Variants in LRP2 observed in about 807,000 individuals in gnomAD.
The protein encoded by LRP2 is LDL receptor related protein 2.
A neutral mutation model predicts 531.0 loss-of-function variants in LRP2; 172 were observed. That is an observed-to-expected ratio of 0.32 (90% confidence interval 0.29 to 0.37). The LOEUF (loss-of-function observed/expected upper bound fraction) is 0.37, where lower values mean the gene tolerates loss of function less well. LRP2 is among the 10% of genes least tolerant of loss of function. The probability of loss-of-function intolerance (pLI) is 1.00; values close to 1 mark genes in which losing one functional copy is unlikely to be tolerated. For synonymous variants in LRP2, 1,992 were observed against 2,027.6 expected (o/e 0.98, Z 0.47); for missense variants, 5,167 against 5,868.3 (o/e 0.88, Z 3.90).
At chr2:169,153,946 T>C (rs1686236740) in intron 66 of LRP2, among the ~76,000 whole-genome samples, 1 of 152,216 alleles carries the variant, frequency 6.6e-6, no homozygotes, top group Non-Finnish European at 1.5e-5. Context: ...TTAGATTCAG[T>C]CTTTGTCCCC....
chr2:169,231,310 G>A (rs4668126), intron 31 of LRP2, among the ~76,000 whole-genome samples: 54,484 of 115,570 alleles, frequency 0.47, 10,765 homozygotes, highest in South Asian at 0.73. Context: ...AAAAAAAAAA[G>A]AAAGAAAGAA....
At position 169,318,838 on chromosome 2, in the gene LRP2, T is replaced by C. The variant is rs745821415; in HGVS notation, c.234A>G (p.Gly78=). The change falls in exon 3 of 79, where the codon GGA becomes GGG. Residue 78 remains glycine, a synonymous_variant. Transcript: ENST00000649046. ...ACACCCAGGAGTTGGGGATGCATTG[T>C]CCCTCACTCTGGCACTTGAAATAGC... is the stretch of plus-strand genomic sequence containing the variant. ...QQGYFKCQSE[G]QCIPNSWVCD... 3.7e-6 allele frequency: 6 copies of C among 1,614,146 alleles called. No individual in the cohort carries two copies. The highest frequency in any genetic ancestry group is 5.1e-6 in the Non-Finnish European group (6 of 1,179,984).
chr2:169,362,133 C>T lies in LRP2; in HGVS notation c.79+188G>A, dbSNP rs3815679. On this transcript the variant is annotated intron_variant, in intron 1 of 78. Transcript: ENST00000649046. Reference sequence around the variant, plus strand: ...AAGTTTGCTGCCGCTCAGTTCCTGGCGAGCGAAGAGGGGCGCTCCCGCTCC... The same window carrying T: ...AAGTTTGCTGCCGCTCAGTTCCTGGTGAGCGAAGAGGGGCGCTCCCGCTCC... 0.092 allele frequency among the ~76,000 whole-genome samples: 13,966 copies of T among 152,300 alleles called. 833 individuals are homozygous for T. Among genetic ancestry groups the T allele is most frequent in the East Asian group, 0.24 (1,248 of 5,158 alleles).
At chr2:169,352,671 A>T (rs1685881061) in intron 1 of LRP2, among the ~76,000 whole-genome samples, 1 of 152,236 alleles carries the variant, frequency 6.6e-6, no homozygotes. Flanking sequence ...ATATGCAGCC[A>T]TAAAAAGGAA....
chr2:169,297,528 A>G (rs1031763827), intron 4 of LRP2, among the ~76,000 whole-genome samples: 4 of 152,138 alleles, frequency 2.6e-5, no homozygotes, highest in Non-Finnish European at 5.9e-5. Context: ...TTCTAACACA[A>G]AAAGGTGAGA....
At position 169,174,027 on chromosome 2, in the gene LRP2, G is replaced by C. The variant is rs747833963; in HGVS notation, c.10906C>G (p.Arg3636Gly). The change falls in exon 56 of 79, where the codon CGG becomes GGG. Residue 3636 changes from arginine to glycine, a missense_variant. Arg to Gly is a moderately radical substitution (Grantham distance 125, BLOSUM62 -2). This residue lies in a region of LRP2 where 311 missense variants were observed against 309.4 expected (regional missense o/e 1.01). Transcript: ENST00000649046. Reference sequence around the variant, plus strand: ...TTAGCACACCGAAACTGGCCCGGCCGGCAGGTCCTGCTGGCACAGTGGGAA... The same window carrying C: ...TTAGCACACCGAAACTGGCCCGGCCCGCAGGTCCTGCTGGCACAGTGGGAA... ...DSSHCASRTC[R>G]PGQFRCANGR... 6.2e-7 allele frequency: 1 copy of C among 1,614,220 alleles called. No individual in the cohort carries two copies. Among genetic ancestry groups the C allele is most frequent in the South Asian group, 1.1e-5 (1 of 91,076 alleles).
At chr2:169,146,414 C>T (rs75456734) in intron 69 of LRP2, among the ~76,000 whole-genome samples, 1,818 of 152,250 alleles carry the variant, frequency 0.012, 33 homozygotes, top group African/African-American at 0.04. Context: ...TGTCCAGAAG[C>T]GGTTAGACAT....
chr2:169,204,764 A>T (rs1688318470), intron 41 of LRP2, among the ~76,000 whole-genome samples: 1 of 152,252 alleles, frequency 6.6e-6, no homozygotes, highest in East Asian at 1.9e-4. Context: ...CTTGGCATCA[A>T]AAGACTAAAA....
intron 46 of LRP2, among the ~76,000 whole-genome samples, chr2:169,195,665 A>G (rs1020818132): frequency 6.6e-6 from 1 of 152,202 alleles, no homozygotes; most frequent in African/African-American, 2.4e-5. Flanking sequence ...ATATATTTGA[A>G]CCAATAATTC....
intron 46 of LRP2, among the ~76,000 whole-genome samples, 188 bp downstream of exon 46, chr2:169,196,721 CCA>C (rs1479465166): frequency 6.6e-6 from 1 of 152,190 alleles, no homozygotes; most frequent in African/African-American, 2.4e-5. Flanking sequence ...GATCAGCTCC[CCA>C]CACAGTGCTC....
intron 21 of LRP2, among the ~76,000 whole-genome samples, chr2:169,246,230 C>T (rs999547709): frequency 1.3e-5 from 2 of 151,696 alleles, no homozygotes; most frequent in African/African-American, 4.8e-5. Flanking sequence ...TTTTAGGGTA[C>T]ATGTGCACAA....
At position 169,294,249 on chromosome 2, in the gene LRP2, A is replaced by G. The variant is rs1414726380; in HGVS notation, c.551T>C (p.Leu184Ser). 1.2e-6 allele frequency: 2 copies of G among 1,602,012 alleles called. No individual in the cohort carries two copies. Among genetic ancestry groups the G allele is most frequent in the South Asian group, 1.1e-5 (1 of 90,818 alleles). Reference sequence around the variant, plus strand: ...ATTGCCACATGAAAACTCATTGTGCAAGCATATCTCAGCTGCAACAGAAAG... The same window carrying G: ...ATTGCCACATGAAAACTCATTGTGCGAGCATATCTCAGCTGCAACAGAAAG... ...SDEINCTEIC[L>S]HNEFSCGNGE... Residue 184 changes from leucine to serine, a missense_variant, in exon 6 of 79, where the codon TTG becomes TCG. By Grantham distance (145) the Leu-to-Ser change is moderately radical. Coordinates refer to ENST00000649046, the MANE Select transcript of LRP2 (RefSeq NM_004525.3).
At position 169,237,197 on chromosome 2, in the gene LRP2, T is replaced by C. The variant is rs766711397; in HGVS notation, c.4597A>G (p.Ile1533Val). Residue 1533 changes from isoleucine to valine, a missense_variant, in exon 28 of 79, where the codon ATT becomes GTT. Physicochemically the swap from Ile to Val is conservative, Grantham distance 29. Transcript: ENST00000649046. ...LYWTDYALET[I>V]EVSKIDGSHR... ...CTCCCATCAATTTTGGAGACTTCAA[T>C]TGTTTCCAGAGCATAGTCTGTCCAG... 12 of 1,613,640 alleles carry C rather than the reference T, an allele frequency of 7.4e-6. No individual in the cohort carries two copies. Among genetic ancestry groups the C allele is most frequent in the Non-Finnish European group, 1.0e-5 (12 of 1,179,692 alleles).
chr2:169,203,984 G>A lies in LRP2; in HGVS notation c.8003C>T (p.Pro2668Leu), dbSNP rs1457603837. Residue 2668 changes from proline to leucine, a missense_variant and splice_region_variant, in exon 42 of 79, where the codon CCA (proline) becomes CTA (leucine). Physicochemically the swap from Pro to Leu is moderately conservative, Grantham distance 98 (BLOSUM62 -3). Transcript: ENST00000649046. ...AATTTTCATGGTCAGTGCCTTACCT[G>A]GTGCACAGATATGGCTGCAGCCCCC... Reference protein sequence around the residue: ...FNGGCSHICAPGPNGAECQCP... With the variant: ...FNGGCSHICALGPNGAECQCP... 6.2e-7 allele frequency: 1 copy of A among 1,613,946 alleles called. No homozygotes were observed. Among genetic ancestry groups the A allele is most frequent in the Non-Finnish European group, 8.5e-7 (1 of 1,179,884 alleles).
chr2:169,164,452 G>C (rs2105265052), intron 62 of LRP2, among the ~76,000 whole-genome samples: 1 of 152,368 alleles, frequency 6.6e-6, no homozygotes, highest in Non-Finnish European at 1.5e-5. Flanking sequence ...AATTGTATGA[G>C]AATGCATATT....
chr2:169,225,425 C>T lies in LRP2; in HGVS notation c.5423G>A (p.Gly1808Asp), dbSNP rs1689166543. The stretch of plus-strand genomic sequence containing the variant: ...AGAAGCAAATACTGTCCTGTTGGTG[C>T]CATCTGTCTTCACTCTGTGAATTTC... Reference protein sequence around the residue: ...PGEIHRVKTDGTNRTVFASIS... With the variant: ...PGEIHRVKTDDTNRTVFASIS... The change falls in exon 33 of 79, where the codon GGC becomes GAC. Residue 1808 changes from glycine to aspartate, a missense_variant. By Grantham distance (94) the Gly-to-Asp change is moderately conservative (BLOSUM62 -1). Around this residue, in one of 6 missense-constraint regions of LRP2, gnomAD observed 2,811 missense variants for 3,058.0 expected, o/e 0.92. Coordinates refer to ENST00000649046, the MANE Select transcript of LRP2 (RefSeq NM_004525.3). 6.2e-7 allele frequency: 1 copy of T among 1,614,038 alleles called. No individual in the cohort carries two copies.
intron 24 of LRP2, 59 bp from the exon 25 acceptor site, chr2:169,241,424 GTCTAGAC>G (rs1559035737): frequency 1.9e-6 from 3 of 1,586,198 alleles, no homozygotes; most frequent in African/African-American, 1.3e-5. Flanking sequence ...CCCTTTTATA[GTCTAGAC>G]TCAGAGGAAA....
At chr2:169,167,889 C>T (rs977644037) in intron 61 of LRP2, among the ~76,000 whole-genome samples, 1 of 151,328 alleles carries the variant, frequency 6.6e-6, no homozygotes, top group South Asian at 2.1e-4. Context: ...GTGCAGGCTT[C>T]ATTCTTGGAG....
At chr2:169,309,864 T>C (rs886871886) in intron 3 of LRP2, among the ~76,000 whole-genome samples, 2 of 152,258 alleles carry the variant, frequency 1.3e-5, no homozygotes, top group African/African-American at 4.8e-5. Flanking sequence ...AAGCATAGAA[T>C]GTTCCTTCAT....
Sources: gnomAD v4.1 joint callset for allele counts (sites outside exome capture counted in the v4.1 genomes callset) on GRCh38, gnomAD v4.1.1 for gene constraint, gnomAD v4.1.1 regional missense constraint, MANE v1.5 for transcripts, NCBI Gene and HGNC (gene_info 2026-07-23, HGNC 2026-07-21) for gene names.